PKD1L1: variants seen among roughly 807,000 people sequenced by gnomAD.
The protein encoded by PKD1L1 is polycystin 1 like 1, transient receptor potential channel interacting.
A neutral mutation model predicts 323.4 loss-of-function variants in PKD1L1; 236 were observed. The ratio of observed to expected loss-of-function variants is 0.73; its 90% CI spans 0.66 to 0.81. The LOEUF is 0.81. Among genes scored for constraint, PKD1L1 ranks in the 40% least tolerant of loss-of-function variants. The pLI is 0.00. For synonymous variants in PKD1L1, 1,344 were observed against 1,335.0 expected, an observed-to-expected ratio of 1.01 and a Z score of -0.15; for missense variants, 3,320 against 3,508.0, an observed-to-expected ratio of 0.95 and a Z score of 1.35.
chr7:47,881,556 A>G (rs1169619494), intron 20 of PKD1L1, among the ~76,000 whole-genome samples: 1 of 152,188 alleles, frequency 6.6e-6, no homozygotes, highest in Admixed American at 6.5e-5. Flanking sequence ...ATCGCTCTTC[A>G]GGAGCAGCTT....
chr7:47,893,105 C>G (rs1786857244), intron 15 of PKD1L1, among the ~76,000 whole-genome samples: 1 of 151,842 alleles, frequency 6.6e-6, no homozygotes, highest in African/African-American at 2.4e-5. Flanking sequence ...TGGCGCGCAT[C>G]TGTAGTCTCA....
intron 45 of PKD1L1, among the ~76,000 whole-genome samples, chr7:47,823,585 G>T (rs57302548): frequency 0.015 from 2,351 of 152,262 alleles, 80 homozygotes; most frequent in African/African-American, 0.054. Flanking sequence ...TTTTGGGTAG[G>T]TTGCCTCATA....
At chr7:47,925,703 CA>C (rs1213563694) in intron 7 of PKD1L1, among the ~76,000 whole-genome samples, 2 of 152,188 alleles carry the variant, frequency 1.3e-5, no homozygotes, top group East Asian at 1.9e-4. Context: ...TTAAGAATGA[CA>C]AAACAGACTT....
chr7:47,902,877 T>C (rs1787122506), intron 12 of PKD1L1, among the ~76,000 whole-genome samples: 1 of 152,238 alleles, frequency 6.6e-6, no homozygotes, highest in African/African-American at 2.4e-5. Context: ...ATATATTTTC[T>C]CTGTGTGATG....
At chr7:47,854,350 A>G (rs918719646) in intron 30 of PKD1L1, among the ~76,000 whole-genome samples, 4 of 152,080 alleles carry the variant, frequency 2.6e-5, no homozygotes, top group South Asian at 2.1e-4. Context: ...CAGACCTCCA[A>G]CGAACTCTGC....
intron 48 of PKD1L1, 168 bp from the exon 49 acceptor site, chr7:47,813,461 C>G: frequency 1.3e-6 from 1 of 769,674 alleles, no homozygotes; most frequent in Non-Finnish European, 2.2e-6. Flanking sequence ...TCTACAGACT[C>G]TAGCTCAAGC....
At chr7:47,907,169 A>G (rs1787223376) in intron 9 of PKD1L1, among the ~76,000 whole-genome samples, 1 of 139,888 alleles carries the variant, frequency 7.1e-6, no homozygotes, top group Non-Finnish European at 1.5e-5. Flanking sequence ...TTGGATGGAG[A>G]GTTTCTCACT....
At chr7:47,877,730 A>G in intron 21 of PKD1L1, 99 bp from the exon 22 acceptor site, 1 of 1,393,476 alleles carries the variant, frequency 7.2e-7, no homozygotes, top group African/African-American at 1.4e-5. Context: ...GGGGTTCTCA[A>G]AGTAGGGTCC....
At chr7:47,915,676 T>C (rs934447253) in intron 7 of PKD1L1, 77 bp from the exon 8 acceptor site, 16 of 893,130 alleles carry the variant, frequency 1.8e-5, no homozygotes, top group Non-Finnish European at 2.6e-5. Flanking sequence ...ATAAACAAAA[T>C]CTGAAAGCTA....
intron 25 of PKD1L1, among the ~76,000 whole-genome samples, chr7:47,865,562 T>G (rs1249106989): frequency 6.7e-6 from 1 of 150,246 alleles, no homozygotes; most frequent in Non-Finnish European, 1.5e-5. Context: ...AAGCAACAAT[T>G]TATTTATTAT....
chr7:47,809,350 G>A (rs1784845900), intron 51 of PKD1L1, 123 bp downstream of exon 51: 1 of 696,632 alleles, frequency 1.4e-6, no homozygotes. Context: ...CACTACAGAG[G>A]GAGAAAACTG....
At chr7:47,777,160 G>A (rs1014458814) in intron 56 of PKD1L1, among the ~76,000 whole-genome samples, 8 of 152,200 alleles carry the variant, frequency 5.3e-5, no homozygotes, top group African/African-American at 1.9e-4. Flanking sequence ...CCAAAGTGCT[G>A]GGATTACAGG....
chr7:47,960,076 C>T, the PKD1L1 span, among the ~76,000 whole-genome samples: 18 of 151,844 alleles, frequency 1.2e-4, no homozygotes, highest in Admixed American at 6.6e-5. Context: ...CTATCCCCAA[C>T]CCTGTGCTCT....
intron 36 of PKD1L1, among the ~76,000 whole-genome samples, chr7:47,838,708 T>C (rs1785505159): frequency 6.6e-6 from 1 of 151,802 alleles, no homozygotes; most frequent in African/African-American, 2.4e-5. Flanking sequence ...TGAAACCCCA[T>C]CTCTACTAAA....
chr7:47,940,171 A>T (rs780821140), intron 3 of PKD1L1, 22 bp downstream of exon 3: 9 of 1,614,104 alleles, frequency 5.6e-6, no homozygotes, highest in Admixed American at 1.7e-5. Context: ...GAAAAGCCTA[A>T]TTTCCCCAGA....
At chr7:47,812,181 G>A in intron 49 of PKD1L1, 130 bp from the exon 50 acceptor site, 1 of 699,756 alleles carries the variant, frequency 1.4e-6, no homozygotes, top group Non-Finnish European at 2.4e-6. Context: ...ACAGTGCCTG[G>A]GCTTCAAGGG....
chr7:47,821,168 G>A lies in PKD1L1; in HGVS notation c.6873C>T (p.Ile2291=), dbSNP rs750960103. 6 of 1,606,458 alleles carry A rather than the reference G, an allele frequency of 3.7e-6. No homozygotes were observed. Among genetic ancestry groups the A allele is most frequent in the Non-Finnish European group, 3.4e-6 (4 of 1,173,310 alleles). ...RAALRDISMD[I]LMLLLLLCVI... The stretch of plus-strand genomic sequence containing the variant: ...CACACAAAAGCAGAAGCAGCATGAG[G>A]ATGTCCATGGAAATGTCTCTGTAAG... The change falls in exon 46 of 57, where the codon ATC becomes ATT. Residue 2291 remains isoleucine, a synonymous_variant. Transcript: ENST00000289672.
intron 32 of PKD1L1, 103 bp from the exon 33 acceptor site, chr7:47,845,181 G>A: frequency 1.1e-6 from 1 of 892,490 alleles, no homozygotes; most frequent in Non-Finnish European, 1.7e-6. Flanking sequence ...AAGAAAGAGT[G>A]CAATAATGAT....
chr7:47,813,358 G>C (rs1337218857), intron 48 of PKD1L1, 65 bp from the exon 49 acceptor site: 1 of 1,567,160 alleles, frequency 6.4e-7, no homozygotes, highest in African/African-American at 1.3e-5. Flanking sequence ...GCAATCCGGG[G>C]TCTCCAGGCC....
Sources: allele counts gnomAD v4.1 joint callset (sites outside exome capture counted in the v4.1 genomes callset), GRCh38; gene constraint gnomAD v4.1.1; transcripts MANE v1.5; gene names NCBI Gene and HGNC (gene_info 2026-07-23, HGNC 2026-07-21).